The following KLHL1 variants were observed in gnomAD, a reference collection of about 807,000 sequenced individuals.
KLHL1 encodes the protein kelch like family member 1.
In KLHL1, 47 loss-of-function variants were observed where a neutral mutation model predicts 77.7. The observed-to-expected ratio is 0.60, with a 90% confidence interval of 0.48 to 0.77. KLHL1 has a LOEUF of 0.77. Among genes scored for constraint, KLHL1 ranks in the 30% least tolerant of loss-of-function variants. The pLI is 0.00. For synonymous variants in KLHL1, 360 were observed against 325.2 expected, an observed-to-expected ratio of 1.11 and a Z score of -1.15; for missense variants, 925 against 910.8, an observed-to-expected ratio of 1.02 and a Z score of -0.20.
chr13:70,075,478 AAAC>A (rs1418860708), intron 1 of KLHL1, among the ~76,000 whole-genome samples: 5 of 149,096 alleles, frequency 3.4e-5, no homozygotes, highest in Non-Finnish European at 7.4e-5. Flanking sequence ...ATTTGCTCAA[AAAC>A]AACTGAAGCA....
intron 1 of KLHL1, among the ~76,000 whole-genome samples, chr13:70,004,374 G>A (rs955940772): frequency 1.1e-4 from 17 of 151,766 alleles, no homozygotes; most frequent in African/African-American, 3.6e-4. Flanking sequence ...CCCATGAAAT[G>A]CTAAGCGTCC....
chr13:69,716,406 A>G lies in KLHL1; in HGVS notation c.2015+2963T>C, dbSNP rs533850617. Among the ~76,000 whole-genome samples the G allele has an allele frequency of 1.4e-4, 20 of 143,452 alleles. No homozygotes were observed. In the East Asian group the frequency reaches 3.1e-3, roughly 23 times the overall value. 94.1% of individuals were successfully genotyped at this position (143,452 alleles called of 152,430 possible). A position where few individuals can be genotyped will look rare whatever the true frequency, so the allele number is the denominator to read the frequency against. Reference sequence around the variant, plus strand: ...TCAGCACATGGCACCTAGTTTAGTGAAAAAAAAAATGATGTAGAAAGAGTT... The same window carrying G: ...TCAGCACATGGCACCTAGTTTAGTGGAAAAAAAAATGATGTAGAAAGAGTT... On this transcript the variant is annotated intron_variant, in intron 9 of 10. Coordinates refer to ENST00000377844, the MANE Select transcript of KLHL1 (RefSeq NM_020866.3).
intron 1 of KLHL1, among the ~76,000 whole-genome samples, chr13:70,023,558 G>C (rs2137355303): frequency 6.6e-6 from 1 of 151,842 alleles, no homozygotes; most frequent in South Asian, 2.1e-4. Context: ...TTTAATCTAG[G>C]AACCAGCAAG....
chr13:69,912,151 T>C lies in KLHL1; in HGVS notation c.1014+27889A>G, dbSNP rs911221463. On this transcript the variant is annotated intron_variant, in intron 4 of 10. Transcript: ENST00000377844. ...TTTAAAACTGGTGATCATCCATATA[T>C]ATAATATGGGGTCTTCTCTCCTTAG... 9.2e-5 allele frequency among the ~76,000 whole-genome samples: 14 copies of C among 152,156 alleles called. No homozygotes were observed. In the South Asian group the frequency reaches 1.2e-3, roughly 14 times the overall value.
At chr13:69,902,181 A>C (rs1196521565) in intron 4 of KLHL1, among the ~76,000 whole-genome samples, 1 of 152,174 alleles carries the variant, frequency 6.6e-6, no homozygotes, top group East Asian at 1.9e-4. Flanking sequence ...GGAAGCCAGA[A>C]ATGTAAGTTC....
At chr13:69,856,544 C>T (rs964518060) in intron 5 of KLHL1, among the ~76,000 whole-genome samples, 2 of 152,022 alleles carry the variant, frequency 1.3e-5, no homozygotes, top group Non-Finnish European at 2.9e-5. Flanking sequence ...ACACTACCCT[C>T]GGTCTCAGCC....
Position 69,719,443 on chromosome 13 carries a change from A to G in KLHL1, c.1941T>C (p.Gly647=), listed in dbSNP as rs1208666565. 9.3e-6 allele frequency: 15 copies of G among 1,613,368 alleles called. No homozygotes were observed. The Admixed American group carries it at 2.5e-4, about 27-fold the overall frequency. The change falls in exon 9 of 11, where the codon GGT becomes GGC. Residue 647 remains glycine, a synonymous_variant. Transcript: ENST00000377844. ...CATGACCTCCTACTGCATAAAGAAAACCGTCACATGTGGCCACTCCGACAC... is the reference window on the plus strand; with the variant it reads ...CATGACCTCCTACTGCATAAAGAAAGCCGTCACATGTGGCCACTCCGACAC... ...RGGVGVATCD[G]FLYAVGGHDA...
chr13:69,990,208 C>G (rs901890379), intron 1 of KLHL1, among the ~76,000 whole-genome samples: 1 of 151,932 alleles, frequency 6.6e-6, no homozygotes, highest in African/African-American at 2.4e-5. Flanking sequence ...TTACCAGCCA[C>G]TATGAAACAC....
intron 1 of KLHL1, among the ~76,000 whole-genome samples, chr13:70,038,765 A>G (rs1027657229): frequency 2.0e-5 from 3 of 151,364 alleles, no homozygotes; most frequent in African/African-American, 7.3e-5. Flanking sequence ...TAATTTTTGC[A>G]TTTTTAGTAG....
intron 8 of KLHL1, among the ~76,000 whole-genome samples, chr13:69,720,616 T>A (rs1029449100): frequency 3.9e-5 from 6 of 152,000 alleles, no homozygotes; most frequent in African/African-American, 1.4e-4. Flanking sequence ...GGGTAGAGAT[T>A]GTGGATACAA....
At chr13:70,082,030 G>C (rs1302794272) in intron 1 of KLHL1, among the ~76,000 whole-genome samples, 1 of 152,002 alleles carries the variant, frequency 6.6e-6, no homozygotes, top group Admixed American at 6.6e-5. Flanking sequence ...GTTCTCAGGA[G>C]GTCAGGTTGT....
chr13:69,909,322 A>T (rs569564283), intron 4 of KLHL1, among the ~76,000 whole-genome samples: 1 of 152,040 alleles, frequency 6.6e-6, no homozygotes, highest in African/African-American at 2.4e-5. Context: ...AGGGATCTAC[A>T]TTCATATAAA....
intron 1 of KLHL1, among the ~76,000 whole-genome samples, chr13:70,022,145 A>C (rs1885815169): frequency 6.6e-6 from 1 of 151,812 alleles, no homozygotes; most frequent in Non-Finnish European, 1.5e-5. Flanking sequence ...ATTATCTATC[A>C]ATTTTGGGGG....
chr13:69,949,097 A>C (rs558053956), intron 3 of KLHL1, among the ~76,000 whole-genome samples: 1 of 152,002 alleles, frequency 6.6e-6, no homozygotes, highest in African/African-American at 2.4e-5. Flanking sequence ...TGTTTCCCCC[A>C]TTATTAACAT....
intron 6 of KLHL1, among the ~76,000 whole-genome samples, chr13:69,822,114 G>T (rs949685007): frequency 2.0e-5 from 3 of 150,004 alleles, no homozygotes; most frequent in African/African-American, 7.4e-5. Context: ...CAGGAGAATC[G>T]CTTGAACCCT....
chr13:69,771,372 A>G lies in KLHL1; in HGVS notation c.1639+25366T>C, dbSNP rs559195549. ...TTTAAAGTTGGCTTAAGCAATAAGA[A>G]TCAACTGCCACAACTAACTTTTAAT... On this transcript the variant is annotated intron_variant, in intron 7 of 10. Transcript: ENST00000377844. 2.6e-5 allele frequency among the ~76,000 whole-genome samples: 4 copies of G among 152,240 alleles called. No individual in the cohort carries two copies. In the East Asian group the frequency reaches 5.8e-4, roughly 22 times the overall value.
At chr13:70,027,247 T>C (rs1214814104) in intron 1 of KLHL1, among the ~76,000 whole-genome samples, 1 of 152,150 alleles carries the variant, frequency 6.6e-6, no homozygotes. Context: ...AAACATTATA[T>C]TCCTGAGCAC....
intron 2 of KLHL1, among the ~76,000 whole-genome samples, chr13:69,971,091 C>T (rs187600241): frequency 5.4e-4 from 82 of 152,168 alleles, no homozygotes; most frequent in Non-Finnish European, 9.7e-4. Context: ...TTTCAGTACC[C>T]AGATTGCCTG....
chr13:70,067,755 G>A (rs1003750736), intron 1 of KLHL1, among the ~76,000 whole-genome samples: 1 of 152,158 alleles, frequency 6.6e-6, no homozygotes, highest in East Asian at 1.9e-4. Context: ...CTGGAATCCA[G>A]AACTGATAAT....
Sources: allele counts gnomAD v4.1 joint callset (sites outside exome capture counted in the v4.1 genomes callset), GRCh38; gene constraint gnomAD v4.1.1; transcripts MANE v1.5; gene names NCBI Gene and HGNC (gene_info 2026-07-23, HGNC 2026-07-21).